Variants in PCDH15 observed in about 807,000 individuals in gnomAD.
The protein encoded by PCDH15 is protocadherin-15.
In PCDH15, 129 loss-of-function variants were observed where a neutral mutation model predicts 178.5. That is an observed-to-expected ratio of 0.72 (90% CI 0.63 to 0.84). The LOEUF is 0.84. Among genes scored for constraint, PCDH15 ranks in the 40% least tolerant of loss-of-function variants. The probability of loss-of-function intolerance (pLI) is 0.00; values close to 1 mark genes in which losing one functional copy is unlikely to be tolerated. For missense variants in PCDH15, 2,230 were observed against 2,099.9 expected, an observed-to-expected ratio of 1.06 and a Z score of -1.21; for synonymous variants, 800 against 732.0, an observed-to-expected ratio of 1.09 and a Z score of -1.50.
chr10:55,341,794 TATATATA>T (rs1321061845), intron 2 of PCDH15, among the ~76,000 whole-genome samples: 191 of 13,044 alleles, frequency 0.015, 1 homozygote, highest in Non-Finnish European at 0.022. Flanking sequence ...TATATATATA[TATATATA>T]TATATTTTTT....
At chr10:55,199,538 T>A (rs201893205) in intron 1 of PCDH15, among the ~76,000 whole-genome samples, 17 of 151,814 alleles carry the variant, frequency 1.1e-4, no homozygotes, top group East Asian at 7.8e-4. Flanking sequence ...AAAAAAAAAA[T>A]TTCTGGGGAG....
chr10:55,470,673 C>T (rs1328081723), intron 2 of PCDH15, among the ~76,000 whole-genome samples: 2 of 152,078 alleles, frequency 1.3e-5, no homozygotes, highest in Admixed American at 6.6e-5. Flanking sequence ...ATGCACCCAA[C>T]GTGCACGGTT....
chr10:55,133,894 T>TC (rs1838121566), intron 2 of PCDH15, among the ~76,000 whole-genome samples: 1 of 152,136 alleles, frequency 6.6e-6, no homozygotes, highest in Admixed American at 6.6e-5. Flanking sequence ...AGTGCTGACC[T>TC]CCTATCCAAC....
intron 13 of PCDH15, among the ~76,000 whole-genome samples, chr10:54,158,919 A>T (rs2045432937): frequency 6.6e-6 from 1 of 152,016 alleles, no homozygotes; most frequent in South Asian, 2.1e-4. Flanking sequence ...CATCCTGGCT[A>T]ACACGGTGAA....
chr10:54,417,270 G>T (rs1267099039), intron 3 of PCDH15, among the ~76,000 whole-genome samples: 2 of 152,068 alleles, frequency 1.3e-5, no homozygotes, highest in Non-Finnish European at 2.9e-5. Flanking sequence ...ATCTACTTTA[G>T]GAATTTGTAT....
At chr10:54,095,830 A>G (rs2094689917) in intron 15 of PCDH15, among the ~76,000 whole-genome samples, 1 of 152,212 alleles carries the variant, frequency 6.6e-6, no homozygotes, top group East Asian at 1.9e-4. Context: ...GTTGTACAAA[A>G]TGGGTAACCT....
intron 3 of PCDH15, among the ~76,000 whole-genome samples, chr10:54,862,848 T>A (rs1029847398): frequency 1.3e-5 from 2 of 152,126 alleles, no homozygotes; most frequent in Non-Finnish European, 2.9e-5. Flanking sequence ...TTTCCAGCCA[T>A]CTGAATTATG....
intron 27 of PCDH15, among the ~76,000 whole-genome samples, chr10:53,862,496 T>C (rs913189900): frequency 1.3e-5 from 2 of 152,232 alleles, no homozygotes; most frequent in African/African-American, 4.8e-5. Context: ...AATCACATTA[T>C]TTAATACAAC....
chr10:53,909,810 GC>G (rs2082943998), intron 25 of PCDH15, among the ~76,000 whole-genome samples: 1 of 152,194 alleles, frequency 6.6e-6, no homozygotes, highest in African/African-American at 2.4e-5. Flanking sequence ...CCCAAATGCT[GC>G]GCTTTTCCAA....
intron 2 of PCDH15, among the ~76,000 whole-genome samples, chr10:54,652,238 A>C (rs1349060980): frequency 1.3e-5 from 2 of 152,076 alleles, no homozygotes; most frequent in African/African-American, 4.8e-5. Context: ...TGAGATTTTC[A>C]GTTGCTGCTC....
At chr10:54,936,453 A>G (rs970121695) in intron 2 of PCDH15, among the ~76,000 whole-genome samples, 3 of 151,996 alleles carry the variant, frequency 2.0e-5, no homozygotes, top group Non-Finnish European at 2.9e-5. Context: ...AGTAACTGCC[A>G]AACAGTTTTC....
intron 1 of PCDH15, among the ~76,000 whole-genome samples, chr10:54,666,071 T>C (rs1355948462): frequency 6.6e-6 from 1 of 152,068 alleles, no homozygotes; most frequent in Non-Finnish European, 1.5e-5. Flanking sequence ...ATTTACCTCA[T>C]AAGATTGTCT....
At chr10:54,207,978 G>T (rs1048417732) in intron 10 of PCDH15, among the ~76,000 whole-genome samples, 2 of 151,702 alleles carry the variant, frequency 1.3e-5, no homozygotes, top group Non-Finnish European at 2.9e-5. Context: ...AATTCTTCTT[G>T]GCCCTCCATT....
intron 2 of PCDH15, among the ~76,000 whole-genome samples, chr10:55,134,592 T>C (rs1377650059): frequency 1.3e-5 from 2 of 152,210 alleles, no homozygotes; most frequent in East Asian, 3.8e-4. Flanking sequence ...ATTAGTAGAA[T>C]TTTGCAAATA....
At chr10:54,920,258 C>T (rs1032629763) in intron 2 of PCDH15, among the ~76,000 whole-genome samples, 1 of 152,018 alleles carries the variant, frequency 6.6e-6, no homozygotes, top group African/African-American at 2.4e-5. Flanking sequence ...ATCACTAGGT[C>T]AGGAGATCGA....
chr10:54,098,128 C>T (rs990392585), intron 15 of PCDH15, among the ~76,000 whole-genome samples: 38 of 151,364 alleles, frequency 2.5e-4, no homozygotes, highest in African/African-American at 8.3e-4. Flanking sequence ...ATGCTTTTTA[C>T]CTATTGTATA....
At chr10:54,961,813 G>A (rs975280994) in intron 2 of PCDH15, among the ~76,000 whole-genome samples, 3 of 151,840 alleles carry the variant, frequency 2.0e-5, no homozygotes, top group Admixed American at 2.0e-4. Flanking sequence ...CAGATAAGAG[G>A]TACCTTTGGG....
At chr10:54,304,909 T>A (rs1359258214) in intron 8 of PCDH15, among the ~76,000 whole-genome samples, 1 of 151,944 alleles carries the variant, frequency 6.6e-6, no homozygotes, top group Non-Finnish European at 1.5e-5. Flanking sequence ...GTAAACAAAG[T>A]GAAATTCAAG....
At chr10:53,819,280 T>C (rs1312090969) in intron 33 of PCDH15, among the ~76,000 whole-genome samples, 3 of 152,056 alleles carry the variant, frequency 2.0e-5, no homozygotes, top group Non-Finnish European at 4.4e-5. Context: ...TGACTCCTTT[T>C]ATTAGCAATG....
Sources: allele counts gnomAD v4.1 joint callset (sites outside exome capture counted in the v4.1 genomes callset), GRCh38; gene constraint gnomAD v4.1.1; transcripts MANE v1.5; gene names NCBI Gene and HGNC (gene_info 2026-07-23, HGNC 2026-07-21).